The following DNAJB1 variants were observed in gnomAD, a reference collection of about 807,000 sequenced individuals.
DNAJB1 encodes DnaJ heat shock protein family (Hsp40) member B1.
Under a neutral mutation model 24.0 loss-of-function variants are expected in DNAJB1, and 14 were observed. The observed-to-expected ratio is 0.58, with a 90% CI of 0.39 to 0.91. The LOEUF (loss-of-function observed/expected upper bound fraction) is 0.91, where lower values mean the gene tolerates loss of function less well. DNAJB1 is among the 40% of genes least tolerant of loss of function. DNAJB1 has a pLI of 0.00. For synonymous variants in DNAJB1, 262 were observed against 174.4 expected (o/e 1.50, Z -3.96); for missense variants, 517 against 458.1 (o/e 1.13, Z -1.17).
At chr19:14,541,448 C>T (rs948861588) in intron 1 of DNAJB1, among the ~76,000 whole-genome samples, 1 of 152,244 alleles carries the variant, frequency 6.6e-6, no homozygotes, top group Admixed American at 6.5e-5. Flanking sequence ...CCTGCTGGTC[C>T]AGGCCTTTTC....
chr19:14,531,753 A>AT (rs1435629921), upstream of DNAJB1: 1 of 152,146 alleles, frequency 6.6e-6, no homozygotes, highest in Non-Finnish European at 1.5e-5. Flanking sequence ...AAATCCTGTA[A>AT]TTTTTGACAT....
chr19:14,537,546 C>G (rs557184769), intron 1 of DNAJB1, among the ~76,000 whole-genome samples: 62 of 152,242 alleles, frequency 4.1e-4, no homozygotes, highest in Non-Finnish European at 7.5e-4. Flanking sequence ...CCTGCACTTT[C>G]ATTGACAAGC....
chr19:14,523,705 C>A lies in DNAJB1; in HGVS notation c.-90+4021G>T, dbSNP rs557471146. 3.3e-5 allele frequency among the ~76,000 whole-genome samples: 5 copies of A among 151,460 alleles called. No homozygotes were observed. The East Asian group carries it at 9.7e-4, about 29-fold the overall frequency. On this transcript the variant is annotated intron_variant, in intron 2 of 3. Coordinates refer to the DNAJB1 transcript ENST00000396969. ...CAATCTTGGCTCACTGCAACCTCCACCTCCCAGGTTCAAATGATCCTCCTG... is the reference window on the plus strand; with the variant it reads ...CAATCTTGGCTCACTGCAACCTCCAACTCCCAGGTTCAAATGATCCTCCTG...
At position 14,556,434 on chromosome 19, in the gene DNAJB1, C is replaced by CAAAAAAAAAA. The variant is rs1491415468; in HGVS notation, c.-2165-2117_-2165-2116insTTTTTTTTTT. Among the ~76,000 whole-genome samples, 70 of 128,726 alleles carry CAAAAAAAAAA rather than the reference C, an allele frequency of 5.4e-4. 1 individual carries two copies. In the South Asian group the frequency reaches 9.0e-3, roughly 17 times the overall value. The allele number at this position is 128,726 out of a possible 152,430, so 84.4% of individuals were successfully genotyped here. A position where few individuals can be genotyped will look rare whatever the true frequency, so the allele number is the denominator to read the frequency against. On this transcript the variant is annotated intron_variant, in intron 1 of 5. Transcript: ENST00000679223. The stretch of plus-strand genomic sequence containing the variant: ...AAAAAAAAAACAAAAACAAAAAAAA[C>CAAAAAAAAAA]CACATTGTGACCTCCCCCACAACCT...
rs543685754 is a variant in DNAJB1, at chr19:14,535,493, C to T, written c.-213-7683G>A. ...CTGCACTCCAGCCTGGGCGACAGAG[C>T]GAGACTCCGTCTCAAAAAAAAAAAA... On this transcript the variant is annotated intron_variant, in intron 1 of 3. Coordinates refer to the DNAJB1 transcript ENST00000676982. Among the ~76,000 whole-genome samples the T allele has an allele frequency of 4.7e-3, 440 of 93,684 alleles. 3 individuals are homozygous for T. The highest frequency in any genetic ancestry group is 7.3e-3 in the South Asian group (18 of 2,468). The allele number at this position is 93,684 out of a possible 152,430, so 61.5% of individuals were successfully genotyped here.
At chr19:14,524,478 G>T (rs551410770) in intron 2 of DNAJB1, among the ~76,000 whole-genome samples, 45 of 152,034 alleles carry the variant, frequency 3.0e-4, no homozygotes, top group Non-Finnish European at 6.0e-4. Flanking sequence ...AGCTATGAGT[G>T]TGCCACTGCA....
intron 1 of DNAJB1, 83 bp downstream of exon 1, chr19:14,518,056 G>A (rs1397170303): frequency 1.5e-6 from 2 of 1,331,732 alleles, no homozygotes; most frequent in Non-Finnish European, 1.9e-6. Flanking sequence ...GTCCTTCCCG[G>A]GGGGCCGCCG....
chr19:14,527,212 A>ATTTTTTT (rs1555727056), intron 2 of DNAJB1, among the ~76,000 whole-genome samples: 5 of 54,672 alleles, frequency 9.1e-5, no homozygotes, highest in African/African-American at 1.5e-4. Flanking sequence ...ACGGAGTTTC[A>ATTTTTTT]TTCTTGTCAC....
chr19:14,543,781 C>T (rs1245697196), intron 1 of DNAJB1, among the ~76,000 whole-genome samples: 1 of 150,718 alleles, frequency 6.6e-6, no homozygotes, highest in Non-Finnish European at 1.5e-5. Context: ...CTTTGTTGCC[C>T]AGGCTGGAGT....
intron 1 of DNAJB1, among the ~76,000 whole-genome samples, chr19:14,541,644 A>C (rs2073100378): frequency 6.6e-6 from 1 of 152,016 alleles, no homozygotes; most frequent in Admixed American, 6.6e-5. Context: ...CAGGGAGGAG[A>C]ATGGTGTTCT....
upstream of DNAJB1, among the ~76,000 whole-genome samples, chr19:14,550,560 G>T (rs1343390694): frequency 6.6e-6 from 1 of 152,182 alleles, no homozygotes; most frequent in Non-Finnish European, 1.5e-5. Flanking sequence ...CCACCCAGCT[G>T]TGGGTGCAGG....
At chr19:14,544,093 G>C (rs541236505) in intron 1 of DNAJB1, among the ~76,000 whole-genome samples, 3 of 152,190 alleles carry the variant, frequency 2.0e-5, no homozygotes, top group African/African-American at 4.8e-5. Context: ...ACAGAGGACA[G>C]AGCTGGAGAA....
chr19:14,539,525 G>A (rs1233087906), intron 1 of DNAJB1, among the ~76,000 whole-genome samples: 2 of 152,066 alleles, frequency 1.3e-5, no homozygotes, highest in African/African-American at 4.8e-5. Context: ...CCGAGCCACA[G>A]GCAGAAGGCC....
At chr19:14,553,379 G>A (rs2073606608), upstream of DNAJB1, among the ~76,000 whole-genome samples, 1 of 152,132 alleles carries the variant, frequency 6.6e-6, no homozygotes, top group Admixed American at 6.5e-5. Context: ...CTGGGAGTGG[G>A]AGGTCAGCCA....
At chr19:14,537,784 TC>T (rs1289416272) in intron 1 of DNAJB1, among the ~76,000 whole-genome samples, 4 of 149,726 alleles carry the variant, frequency 2.7e-5, no homozygotes, top group African/African-American at 9.8e-5. Flanking sequence ...CTCGCTCTTG[TC>T]CCCTAGGCTG....
At chr19:14,536,136 C>T (rs2072889195) in intron 1 of DNAJB1, among the ~76,000 whole-genome samples, 1 of 152,094 alleles carries the variant, frequency 6.6e-6, no homozygotes, top group Admixed American at 6.6e-5. Flanking sequence ...TTGGGTTGGG[C>T]AGTATTGATT....
chr19:14,527,035 C>T (rs2072437678), intron 2 of DNAJB1, among the ~76,000 whole-genome samples: 1 of 151,936 alleles, frequency 6.6e-6, no homozygotes, highest in East Asian at 1.9e-4. Context: ...GAGATCCCAT[C>T]TCTACTAAAA....
chr19:14,516,816 G>T lies in DNAJB1; in HGVS notation c.442C>A (p.Arg148Ser). ...MGGFTNVNFG[R>S]SRSAQEPARK... ...GCGGGCTCTTGGGCAGAGCGGGAGC[G>T]GCCAAAGTTCACGTTGGTGAAGCCA... is the stretch of plus-strand genomic sequence containing the variant. The change falls in exon 2 of 3, where the codon CGC (arginine) becomes AGC (serine). Residue 148 changes from arginine (R) to serine (S), a missense_variant. Arg to Ser is a moderately radical substitution (Grantham distance 110). Transcript: ENST00000254322. 1 of 1,613,704 alleles carries T rather than the reference G, an allele frequency of 6.2e-7. No individual in the cohort carries two copies. Among genetic ancestry groups the T allele is most frequent in the South Asian group, 1.1e-5 (1 of 91,064 alleles).
intron 2 of DNAJB1, among the ~76,000 whole-genome samples, chr19:14,525,219 C>T (rs1439729734): frequency 3.3e-5 from 5 of 152,200 alleles, no homozygotes; most frequent in African/African-American, 7.2e-5. Flanking sequence ...GGTGACAGAG[C>T]GAGACTCCAT....
Sources: allele counts gnomAD v4.1 joint callset (sites outside exome capture counted in the v4.1 genomes callset), GRCh38; gene constraint gnomAD v4.1.1; transcripts MANE v1.5; gene names NCBI Gene and HGNC (gene_info 2026-07-23, HGNC 2026-07-21).